PCNX1: variants seen among roughly 807,000 people sequenced by gnomAD.
PCNX1 encodes the protein pecanex-like protein 1.
Under a neutral mutation model 242.2 loss-of-function variants are expected in PCNX1, and 78 were observed. The observed-to-expected ratio is 0.32, with a 90% confidence interval of 0.27 to 0.39. The LOEUF (loss-of-function observed/expected upper bound fraction) is 0.39. Ranked by LOEUF, PCNX1 falls within the 10% of genes least tolerant of loss-of-function variation. The probability of loss-of-function intolerance (pLI) is 1.00; values close to 1 mark genes in which losing one functional copy is unlikely to be tolerated. For synonymous variants in PCNX1, 1,024 were observed against 1,032.9 expected (o/e 0.99, Z 0.17); for missense variants, 2,581 against 2,856.5 (o/e 0.90, Z 2.20).
intron 2 of PCNX1, among the ~76,000 whole-genome samples, chr14:70,949,193 C>CATAA (rs36159824): frequency 0.14 from 20,061 of 138,934 alleles, 1,549 homozygotes; most frequent in Admixed American, 0.21. Flanking sequence ...AGCATTTACT[C>CATAA]ATAGTGTGTA....
In PCNX1 at chr14:70,940,953, A is replaced by T. The variant is rs2057215909; in HGVS notation, c.154-5962A>T. On this transcript the variant is annotated intron_variant, in intron 1 of 35. Coordinates refer to ENST00000304743, the MANE Select transcript of PCNX1 (RefSeq NM_014982.3). Reference sequence around the variant, plus strand: ...GTTGTGCATGCATCACGTAGTTCTCATGCCATGGTTTTCAGCTCCATCAGG... The same window carrying T: ...GTTGTGCATGCATCACGTAGTTCTCTTGCCATGGTTTTCAGCTCCATCAGG... Among the ~76,000 whole-genome samples, 3 of 152,182 alleles carry T rather than the reference A, an allele frequency of 2.0e-5. No homozygotes were observed. In the South Asian group the frequency reaches 6.2e-4, roughly 32 times the overall value.
intron 13 of PCNX1, among the ~76,000 whole-genome samples, chr14:71,024,810 A>G (rs1253183401): frequency 6.6e-6 from 1 of 152,192 alleles, no homozygotes. Context: ...TGGTAGCACC[A>G]CTTCCCCAAT....
At chr14:70,934,035 A>G (rs1410310263) in intron 1 of PCNX1, among the ~76,000 whole-genome samples, 1 of 152,240 alleles carries the variant, frequency 6.6e-6, no homozygotes. Context: ...GCACAAGGAA[A>G]GGAGTATTGT....
chr14:71,022,158 C>G (rs556812474), intron 12 of PCNX1, among the ~76,000 whole-genome samples: 91 of 152,226 alleles, frequency 6.0e-4, no homozygotes, highest in Non-Finnish European at 1.0e-3. Flanking sequence ...TCACTAATAA[C>G]AAGTAACCCA....
In PCNX1 at chr14:71,019,003, C is replaced by A; in HGVS notation, c.2997-6C>A. ...TATACTTACCCATAAGTTTTTCTGT[C>A]CGTAGAAATCGTGAGATCCTGGAAA... On this transcript the variant is annotated splice_polypyrimidine_tract_variant and splice_region_variant and intron_variant, in intron 11 of 35. Coordinates refer to ENST00000304743, the MANE Select transcript of PCNX1 (RefSeq NM_014982.3). 1 of 1,606,992 alleles carries A rather than the reference C, an allele frequency of 6.2e-7. No individual in the cohort carries two copies. The highest frequency in any genetic ancestry group is 8.5e-7 in the Non-Finnish European group (1 of 1,176,844).
Position 70,988,687 on chromosome 14 carries a change from G to T in PCNX1, c.2432G>T (p.Gly811Val). ...CCTACCCCTCCTACATTGCTCATCG[G>T]ATCACCCCTAAGGTATGGTATTTTC... ...SNPTPPTLLI[G>V]SPLSLQDGQQ... Residue 811 changes from glycine (G) to valine (V), a missense_variant, in exon 7 of 36, where the codon GGA becomes GTA. Coordinates refer to ENST00000304743, the MANE Select transcript of PCNX1 (RefSeq NM_014982.3). The T allele has an allele frequency of 6.2e-7, 1 of 1,613,826 alleles. No homozygotes were observed. Among genetic ancestry groups the T allele is most frequent in the South Asian group, 1.1e-5 (1 of 91,060 alleles).
Position 71,113,093 on chromosome 14 carries a change from CATAAG to C in PCNX1, c.*3161_*3165del, listed in dbSNP as rs940685040. Reference sequence around the variant, plus strand: ...TAATTTTTCCAAGAATCTAGATTAACATAAGATGTTGATATTTAAGGAACTTGGAA... The same window carrying C: ...TAATTTTTCCAAGAATCTAGATTAACATGTTGATATTTAAGGAACTTGGAA... On this transcript the variant is annotated 3_prime_UTR_variant, in exon 36 of 36. Coordinates refer to ENST00000304743, the MANE Select transcript of PCNX1 (RefSeq NM_014982.3). The C allele has an allele frequency of 6.6e-6, 1 of 152,094 alleles. No individual in the cohort carries two copies. The highest frequency in any genetic ancestry group is 1.5e-5 in the Non-Finnish European group (1 of 67,998). 9.4% of individuals were successfully genotyped at this position (152,094 alleles called of 1,614,324 possible).
intron 19 of PCNX1, among the ~76,000 whole-genome samples, chr14:71,041,780 C>A: frequency 6.7e-6 from 1 of 149,286 alleles, no homozygotes; most frequent in South Asian, 2.1e-4. Context: ...GCATTTATTG[C>A]TACTATACTA....
chr14:71,050,812 G>C (rs754213387), intron 23 of PCNX1, 52 bp downstream of exon 23: 1 of 1,530,386 alleles, frequency 6.5e-7, no homozygotes, highest in East Asian at 2.3e-5. Context: ...TCCTAGATAA[G>C]AATGTTGGTT....
chr14:71,066,093 T>C (rs28838938), intron 26 of PCNX1, among the ~76,000 whole-genome samples: 249 of 152,312 alleles, frequency 1.6e-3, no homozygotes, highest in African/African-American at 5.7e-3. Flanking sequence ...CTTGGCTATG[T>C]GGGCTCTTTT....
At chr14:70,965,217 C>T (rs1315837071) in intron 3 of PCNX1, 1 of 152,168 alleles carries the variant, frequency 6.6e-6, no homozygotes, top group Admixed American at 6.6e-5. Flanking sequence ...CCTTCTCTTT[C>T]CTTTTGTCAC....
chr14:71,050,500 C>A, intron 22 of PCNX1, 152 bp from the exon 23 acceptor site: 4 of 596,964 alleles, frequency 6.7e-6, no homozygotes, highest in Non-Finnish European at 1.1e-5. Context: ...GTTGATATAT[C>A]TTTTCCTGTT....
At position 71,096,634 on chromosome 14, in the gene PCNX1, A is replaced by G. The variant is rs544543066; in HGVS notation, c.5590-5356A>G. Among the ~76,000 whole-genome samples, 298 of 152,280 alleles carry G rather than the reference A, an allele frequency of 2.0e-3. 1 individual carries two copies. The highest frequency in any genetic ancestry group is 3.7e-3 in the Non-Finnish European group (249 of 68,020). On this transcript the variant is annotated intron_variant, in intron 30 of 35. Coordinates refer to ENST00000304743, the MANE Select transcript of PCNX1 (RefSeq NM_014982.3). ...ATATGGCATCTGGCTCTCTGCTTGT[A>G]TAGGAAAATGTGAACGCAGTATTTA... is the stretch of plus-strand genomic sequence containing the variant.
chr14:71,017,831 T>C (rs1295116167), intron 11 of PCNX1, among the ~76,000 whole-genome samples: 2 of 152,234 alleles, frequency 1.3e-5, no homozygotes, highest in Non-Finnish European at 2.9e-5. Context: ...TTGGAAATAC[T>C]ATTGAACTTT....
intron 20 of PCNX1, among the ~76,000 whole-genome samples, chr14:71,045,517 T>G (rs1334959578): frequency 6.6e-6 from 1 of 152,152 alleles, no homozygotes; most frequent in African/African-American, 2.4e-5. Context: ...ACTTCTCCCC[T>G]CTCTAAATTG....
Position 71,032,845 on chromosome 14 carries a change from T to G in PCNX1, c.3559-584T>G, listed in dbSNP as rs1432704443. Reference sequence around the variant, plus strand: ...TACGGAGTGACCACGTGTGGTTGGCTTTGGAAGATAGCCTTTGTAGTATTT... The same window carrying G: ...TACGGAGTGACCACGTGTGGTTGGCGTTGGAAGATAGCCTTTGTAGTATTT... On this transcript the variant is annotated intron_variant, in intron 16 of 35. Transcript: ENST00000304743. Among the ~76,000 whole-genome samples the G allele has an allele frequency of 2.0e-5, 3 of 152,234 alleles. No individual in the cohort carries two copies. In the East Asian group the frequency reaches 5.8e-4, roughly 29 times the overall value.
At chr14:70,965,860 A>G (rs980554068) in intron 3 of PCNX1, among the ~76,000 whole-genome samples, 3 of 152,144 alleles carry the variant, frequency 2.0e-5, no homozygotes, top group African/African-American at 7.2e-5. Flanking sequence ...AATCCTTCCT[A>G]TGGCACTTGT....
At chr14:71,034,090 C>A in intron 18 of PCNX1, 54 bp downstream of exon 18, 1 of 930,266 alleles carries the variant, frequency 1.1e-6, no homozygotes, top group South Asian at 1.4e-5. Flanking sequence ...GACAGTTGAT[C>A]ATGTTATATG....
At position 70,993,840 on chromosome 14, in the gene PCNX1, T is replaced by C. The variant is rs1039005892; in HGVS notation, c.2445-1901T>C. Among the ~76,000 whole-genome samples the C allele has an allele frequency of 3.3e-5, 5 of 152,232 alleles. No individual in the cohort carries two copies. The East Asian group carries it at 5.8e-4, about 18-fold the overall frequency. On this transcript the variant is annotated intron_variant, in intron 7 of 35. Coordinates refer to ENST00000304743, the MANE Select transcript of PCNX1 (RefSeq NM_014982.3). The stretch of plus-strand genomic sequence containing the variant: ...TCCTTGTGAAATTTGTCCTTTTTGG[T>C]AAGGTTTGTGGATAAGTTTAGATAG...
Sources: gnomAD v4.1 joint callset for allele counts (sites outside exome capture counted in the v4.1 genomes callset) on GRCh38, gnomAD v4.1.1 for gene constraint, MANE v1.5 for transcripts, NCBI Gene and HGNC (gene_info 2026-07-23, HGNC 2026-07-21) for gene names.